The following SBF2 variants were observed in gnomAD, a reference collection of about 807,000 sequenced individuals.
The protein encoded by SBF2 is myotubularin-related protein 13.
SBF2 carries 112 observed loss-of-function variants against 225.2 expected under a neutral mutation model. The observed-to-expected ratio is 0.50, with a 90% CI of 0.43 to 0.58. SBF2 has a LOEUF of 0.58. Among genes scored for constraint, SBF2 ranks in the 20% least tolerant of loss-of-function variants. The pLI, the probability that SBF2 is intolerant of heterozygous loss-of-function variation, is 0.00. For missense variants in SBF2, 1,996 were observed against 2,206.2 expected, an observed-to-expected ratio of 0.90 and a Z score of 1.91; for synonymous variants, 763 against 773.3, an observed-to-expected ratio of 0.99 and a Z score of 0.22.
At chr11:9,884,128 G>A (rs1860057014) in intron 17 of SBF2, among the ~76,000 whole-genome samples, 1 of 152,162 alleles carries the variant, frequency 6.6e-6, no homozygotes, top group Non-Finnish European at 1.5e-5. Flanking sequence ...AAGCACTCCA[G>A]GTGATTCTAA....
chr11:10,002,503 C>T (rs1388871298), intron 7 of SBF2, 54 bp downstream of exon 7: 13 of 1,379,978 alleles, frequency 9.4e-6, no homozygotes, highest in East Asian at 2.3e-5. Flanking sequence ...GACTTATCAA[C>T]GATAAGTGAT....
At chr11:9,997,702 C>T (rs1008111080) in intron 9 of SBF2, among the ~76,000 whole-genome samples, 26 of 152,228 alleles carry the variant, frequency 1.7e-4, no homozygotes, top group Middle Eastern at 3.4e-3. Flanking sequence ...GGTGTGAACC[C>T]GGGAGGCGGA....
chr11:10,013,214 T>C (rs1948521635), intron 6 of SBF2, among the ~76,000 whole-genome samples: 1 of 152,242 alleles, frequency 6.6e-6, no homozygotes, highest in South Asian at 2.1e-4. Flanking sequence ...CAGACAGGCA[T>C]CTGACGTTTT....
chr11:10,006,394 T>A (rs1011125788), intron 6 of SBF2, among the ~76,000 whole-genome samples: 1 of 152,178 alleles, frequency 6.6e-6, no homozygotes, highest in African/African-American at 2.4e-5. Flanking sequence ...CCCAGTCAGC[T>A]CCTTATGACT....
chr11:10,287,350 T>C (rs1000912664), intron 1 of SBF2, among the ~76,000 whole-genome samples: 7 of 152,196 alleles, frequency 4.6e-5, no homozygotes, highest in Admixed American at 2.0e-4. Flanking sequence ...AGAGTGATCA[T>C]GACTCACTGC....
Position 10,077,289 on chromosome 11 carries a change from T to C in SBF2, c.142-34308A>G, listed in dbSNP as rs775537700. Among the ~76,000 whole-genome samples the C allele has an allele frequency of 1.2e-4, 18 of 152,088 alleles. 1 individual carries two copies. The South Asian group carries it at 1.9e-3, about 16-fold the overall frequency. On this transcript the variant is annotated intron_variant, in intron 2 of 39. Coordinates refer to ENST00000256190, the MANE Select transcript of SBF2 (RefSeq NM_030962.4). The stretch of plus-strand genomic sequence containing the variant: ...GCTACCAATGACTTTCTTCACAGAA[T>C]TGGAAAAAACTACTTTAAAGTTCAT...
intron 30 of SBF2, among the ~76,000 whole-genome samples, chr11:9,812,154 T>C (rs1037614298): frequency 5.9e-5 from 9 of 152,236 alleles, no homozygotes; most frequent in East Asian, 1.9e-4. Flanking sequence ...GTGAGAGCTC[T>C]TGGGAGTCAT....
intron 26 of SBF2, 115 bp downstream of exon 26, chr11:9,839,383 C>T (rs1590193240): frequency 1.9e-6 from 2 of 1,051,782 alleles, no homozygotes; most frequent in East Asian, 2.4e-5. Flanking sequence ...AGACCTTGTT[C>T]TTATTTTCAG....
intron 2 of SBF2, among the ~76,000 whole-genome samples, chr11:10,182,658 A>G (rs1161471929): frequency 6.6e-6 from 1 of 151,296 alleles, no homozygotes; most frequent in Admixed American, 6.6e-5. Context: ...GGCTCAAGCG[A>G]CCCTCCCACC....
At chr11:9,960,041 A>G in intron 16 of SBF2, 1 of 265,080 alleles carries the variant, frequency 3.8e-6, no homozygotes, top group Non-Finnish European at 7.4e-6. Flanking sequence ...GCTGGAGTTC[A>G]GTGGCTATTG....
intron 1 of SBF2, among the ~76,000 whole-genome samples, chr11:10,254,690 GA>G (rs1280926838): frequency 1.3e-5 from 2 of 150,888 alleles, no homozygotes; most frequent in Non-Finnish European, 2.9e-5. Flanking sequence ...TGGGTCACTT[GA>G]GGTCAGGAGT....
chr11:9,791,696 C>G (rs1036604772), intron 33 of SBF2, among the ~76,000 whole-genome samples: 1 of 152,240 alleles, frequency 6.6e-6, no homozygotes, highest in African/African-American at 2.4e-5. Context: ...TCCAAAGTTG[C>G]AAATGCTCTA....
intron 2 of SBF2, among the ~76,000 whole-genome samples, chr11:10,068,294 T>C (rs950266102): frequency 6.6e-6 from 1 of 152,218 alleles, no homozygotes; most frequent in Non-Finnish European, 1.5e-5. Context: ...CTTTCCTGAA[T>C]CCTCATTTTG....
At chr11:10,049,545 T>C (rs1268197399) in intron 2 of SBF2, among the ~76,000 whole-genome samples, 1 of 152,118 alleles carries the variant, frequency 6.6e-6, no homozygotes, top group Non-Finnish European at 1.5e-5. Context: ...AGGCGGATGT[T>C]GCAGTGAGCA....
At chr11:9,787,938 G>A in intron 35 of SBF2, 200 bp from the exon 36 acceptor site, 1 of 615,448 alleles carries the variant, frequency 1.6e-6, no homozygotes, top group Non-Finnish European at 2.9e-6. Context: ...CTGTGGCAAA[G>A]ATGGTTTATT....
At chr11:9,839,123 C>G (rs1347988068) in intron 26 of SBF2, 4 of 304,888 alleles carry the variant, frequency 1.3e-5, no homozygotes, top group East Asian at 8.5e-5. Context: ...TATTTACCAA[C>G]TGACCCTTTA....
intron 16 of SBF2, among the ~76,000 whole-genome samples, chr11:9,896,940 A>G (rs1359991030): frequency 6.6e-6 from 1 of 152,200 alleles, no homozygotes; most frequent in Non-Finnish European, 1.5e-5. Context: ...TGACTGTGGA[A>G]AACAGTATAG....
intron 1 of SBF2, among the ~76,000 whole-genome samples, chr11:10,233,762 A>G (rs929736562): frequency 1.2e-4 from 19 of 152,154 alleles, no homozygotes; most frequent in African/African-American, 4.3e-4. Flanking sequence ...GGTTAAAACT[A>G]TTATCTTCCC....
intron 17 of SBF2, among the ~76,000 whole-genome samples, chr11:9,889,721 T>G (rs1351305906): frequency 6.6e-6 from 1 of 152,118 alleles, no homozygotes; most frequent in East Asian, 1.9e-4. Context: ...TTATGCTCAG[T>G]GAGAAAAGCA....
Sources: gnomAD v4.1 joint callset for allele counts (sites outside exome capture counted in the v4.1 genomes callset) on GRCh38, gnomAD v4.1.1 for gene constraint, MANE v1.5 for transcripts, NCBI Gene and HGNC (gene_info 2026-07-23, HGNC 2026-07-21) for gene names.